The following UBE2Q2 variants were observed in gnomAD, a reference collection of about 807,000 sequenced individuals.
UBE2Q2 encodes ubiquitin conjugating enzyme E2 Q2, also known as ubiquitin-conjugating enzyme E2 Q2.
In UBE2Q2, 54 loss-of-function variants were observed where a neutral mutation model predicts 59.9. The observed-to-expected ratio is 0.90, with a 90% CI of 0.72 to 1.13. The LOEUF (loss-of-function observed/expected upper bound fraction) is 1.13, where lower values mean the gene tolerates loss of function less well. Ranked by LOEUF, UBE2Q2 falls within the 50% of genes most tolerant of loss-of-function variation. The probability of loss-of-function intolerance (pLI) is 0.00; values close to 1 mark genes in which losing one functional copy is unlikely to be tolerated. For synonymous variants in UBE2Q2, 165 were observed against 155.2 expected (o/e 1.06, Z -0.47); for missense variants, 433 against 441.9 (o/e 0.98, Z 0.18).
intron 2 of UBE2Q2, among the ~76,000 whole-genome samples, chr15:75,857,523 C>T (rs1344269519): frequency 6.6e-6 from 1 of 151,976 alleles, no homozygotes; most frequent in Non-Finnish European, 1.5e-5. Context: ...CACCTTTTTT[C>T]GCTGAAGTTA....
chr15:75,859,901 G>T lies in UBE2Q2; in HGVS notation c.306G>T (p.Leu102Phe). ...NNLLRQQLKW[L>F]ICELCSLYNL... ...AGCTTCGTCAGCAATTGAAGTGGTTGATATGTGAACTCTGCAGTTTATATA... is the reference window on the plus strand; with the variant it reads ...AGCTTCGTCAGCAATTGAAGTGGTTTATATGTGAACTCTGCAGTTTATATA... The change falls in exon 3 of 13, where the codon TTG becomes TTT. Residue 102 changes from leucine to phenylalanine, a missense_variant. Leu to Phe is a conservative substitution (Grantham distance 22). Coordinates refer to ENST00000267938, the MANE Select transcript of UBE2Q2 (RefSeq NM_173469.4). 6.3e-7 allele frequency: 1 copy of T among 1,597,210 alleles called. No individual in the cohort carries two copies. The highest frequency in any genetic ancestry group is 1.4e-5 in the African/African-American group (1 of 74,044).
chr15:75,862,165 C>T (rs1897234970), intron 3 of UBE2Q2, among the ~76,000 whole-genome samples: 1 of 152,108 alleles, frequency 6.6e-6, no homozygotes. Context: ...AGTCTCAGGG[C>T]CAACCCAGAC....
intron 9 of UBE2Q2, among the ~76,000 whole-genome samples, chr15:75,886,364 C>T (rs1175540716): frequency 6.6e-6 from 1 of 152,026 alleles, no homozygotes; most frequent in Non-Finnish European, 1.5e-5. Flanking sequence ...AAGTGATCCA[C>T]CCACCTGGGC....
chr15:75,850,338 C>T (rs1418956270), intron 1 of UBE2Q2, among the ~76,000 whole-genome samples: 2 of 152,204 alleles, frequency 1.3e-5, no homozygotes, highest in Non-Finnish European at 2.9e-5. Flanking sequence ...TGTTCCCTCT[C>T]CCTTAAAAAA....
At chr15:75,876,083 A>AATT in intron 5 of UBE2Q2, 104 bp from the exon 6 acceptor site, 1 of 1,130,674 alleles carries the variant, frequency 8.8e-7, no homozygotes, top group Non-Finnish European at 1.3e-6. Flanking sequence ...AAAAAAAAAA[A>AATT]TGTTGAGTGG....
intron 9 of UBE2Q2, among the ~76,000 whole-genome samples, chr15:75,888,691 T>C (rs960734432): frequency 6.6e-6 from 1 of 152,198 alleles, no homozygotes; most frequent in East Asian, 1.9e-4. Flanking sequence ...CTGCTGAAAG[T>C]GTATATTAAG....
intron 1 of UBE2Q2, among the ~76,000 whole-genome samples, chr15:75,846,778 C>T (rs1896373822): frequency 6.6e-6 from 1 of 152,172 alleles, no homozygotes; most frequent in South Asian, 2.1e-4. Context: ...TTTATACTTA[C>T]CAAGAAACAT....
intron 1 of UBE2Q2, among the ~76,000 whole-genome samples, chr15:75,854,022 C>T (rs1359383908): frequency 6.6e-6 from 1 of 152,172 alleles, no homozygotes; most frequent in Non-Finnish European, 1.5e-5. Flanking sequence ...AGCCTAATCT[C>T]AGAAGTGATG....
intron 9 of UBE2Q2, among the ~76,000 whole-genome samples, chr15:75,886,817 G>A (rs1299711334): frequency 1.3e-5 from 2 of 151,884 alleles, no homozygotes; most frequent in Non-Finnish European, 1.5e-5. Context: ...AACCCAGGAG[G>A]TGGAGGTTGC....
chr15:75,864,211 A>G (rs949800628), intron 3 of UBE2Q2, among the ~76,000 whole-genome samples: 1 of 152,146 alleles, frequency 6.6e-6, no homozygotes, highest in Non-Finnish European at 1.5e-5. Context: ...TTCAGTATCA[A>G]GGGTATGCAG....
chr15:75,881,852 A>G (rs1242978120), intron 8 of UBE2Q2, among the ~76,000 whole-genome samples: 1 of 152,160 alleles, frequency 6.6e-6, no homozygotes, highest in African/African-American at 2.4e-5. Flanking sequence ...GAATTACTGA[A>G]TTGAATTCTG....
intron 1 of UBE2Q2, among the ~76,000 whole-genome samples, chr15:75,849,599 C>T (rs1896532731): frequency 6.6e-6 from 1 of 152,104 alleles, no homozygotes; most frequent in Non-Finnish European, 1.5e-5. Context: ...GTTGTGTTTC[C>T]CTCCATTAAG....
intron 1 of UBE2Q2, among the ~76,000 whole-genome samples, chr15:75,851,076 C>T (rs1223592577): frequency 6.6e-6 from 1 of 151,244 alleles, no homozygotes; most frequent in East Asian, 1.9e-4. Flanking sequence ...TATACAGATA[C>T]CTGGTTGGAA....
chr15:75,883,473 A>ATT, intron 9 of UBE2Q2, 49 bp downstream of exon 9: 3 of 1,431,178 alleles, frequency 2.1e-6, no homozygotes, highest in Non-Finnish European at 2.9e-6. Context: ...GTTAAAAAAA[A>ATT]TTTTTTTTTA....
chr15:75,851,618 G>T (rs1278140486), intron 1 of UBE2Q2, among the ~76,000 whole-genome samples: 5 of 151,952 alleles, frequency 3.3e-5, no homozygotes, highest in Admixed American at 6.6e-5. Flanking sequence ...TGTTTTCCTT[G>T]AAATGACAGA....
chr15:75,863,556 G>T (rs1430603591), intron 3 of UBE2Q2, among the ~76,000 whole-genome samples: 7 of 150,988 alleles, frequency 4.6e-5, no homozygotes, highest in African/African-American at 1.7e-4. Flanking sequence ...TGATTCTCCT[G>T]CCTCTCAGCC....
At chr15:75,880,103 T>G (rs939403082) in intron 8 of UBE2Q2, among the ~76,000 whole-genome samples, 3 of 150,534 alleles carry the variant, frequency 2.0e-5, no homozygotes, top group East Asian at 3.9e-4. Context: ...TTTAATAAGG[T>G]TTTTTTTTGT....
At chr15:75,846,941 C>T (rs1343340019) in intron 1 of UBE2Q2, among the ~76,000 whole-genome samples, 1 of 152,150 alleles carries the variant, frequency 6.6e-6, no homozygotes, top group Admixed American at 6.5e-5. Context: ...TGCCCCTGAC[C>T]TCCACCCCTT....
In UBE2Q2 at chr15:75,843,794, A is replaced by T; in HGVS notation, c.128A>T (p.Gln43Leu). The part of the protein sequence containing the change: ...ELHCQFLVPQ[Q>L]GSPHSLPPPL... ...CACTGCCAGTTCCTGGTGCCGCAGC[A>T]GGGCAGCCCGCACTCGCTGCCGCCG... The change falls in exon 1 of 13, where the codon CAG (glutamine) becomes CTG (leucine). Residue 43 changes from glutamine to leucine, a missense_variant. By Grantham distance (113) the Gln-to-Leu change is moderately radical. Transcript: ENST00000267938. 1 of 1,607,082 alleles carries T rather than the reference A, an allele frequency of 6.2e-7. No individual in the cohort carries two copies. Among genetic ancestry groups the T allele is most frequent in the Non-Finnish European group, 8.5e-7 (1 of 1,177,842 alleles).
Sources: gnomAD v4.1 joint callset for allele counts (sites outside exome capture counted in the v4.1 genomes callset) on GRCh38, gnomAD v4.1.1 for gene constraint, MANE v1.5 for transcripts, NCBI Gene and HGNC (gene_info 2026-07-23, HGNC 2026-07-21) for gene names.